RASL12: variants seen among roughly 807,000 people sequenced by gnomAD.
RASL12 encodes the protein RAS like family 12, also known as ras-like protein family member 12.
RASL12 carries 16 observed loss-of-function variants against 22.9 expected under a neutral mutation model. The ratio of observed to expected loss-of-function variants is 0.70; its 90% confidence interval spans 0.47 to 1.06. The LOEUF (loss-of-function observed/expected upper bound fraction) is 1.06. RASL12 is among the 50% of genes least tolerant of loss of function. The pLI is 0.00. For missense variants in RASL12, 306 were observed against 353.1 expected, an observed-to-expected ratio of 0.87 and a Z score of 1.07; for synonymous variants, 159 against 152.2, an observed-to-expected ratio of 1.04 and a Z score of -0.33.
At position 65,058,495 on chromosome 15, in the gene RASL12, G is replaced by A. The variant is rs201776215; in HGVS notation, c.357C>T (p.His119=). The A allele has an allele frequency of 8.1e-6, 13 of 1,610,484 alleles. No individual in the cohort carries two copies. The highest frequency in any genetic ancestry group is 1.1e-5 in the South Asian group (1 of 90,550). The change falls in exon 4 of 5, where the codon CAC becomes CAT. Residue 119 remains histidine, a synonymous_variant. Coordinates refer to ENST00000220062, the MANE Select transcript of RASL12 (RefSeq NM_016563.4). ...SSSYLELLAL[H]AKETQRSIPA... Reference sequence around the variant, plus strand: ...GGATGCTGCGCTGTGTCTCCTTCGCGTGCAAGGCAAGCAGCTCCAGGTAGC... The same window carrying A: ...GGATGCTGCGCTGTGTCTCCTTCGCATGCAAGGCAAGCAGCTCCAGGTAGC...
In RASL12 at chr15:65,055,255, C is replaced by A; in HGVS notation, c.445G>T (p.Gly149Cys). The A allele has an allele frequency of 6.3e-7, 1 of 1,583,740 alleles. No individual in the cohort carries two copies. The highest frequency in any genetic ancestry group is 1.7e-4 in the Middle Eastern group (1 of 5,966). Reference protein sequence around the residue: ...AQYRQVTKAEGVALAGRFGCL... With the variant: ...AQYRQVTKAECVALAGRFGCL... ...CCAAACCTGCCTGCCAAAGCCACAC[C>A]CTCTGCCTTGGTGACTTGCCTGGTG... Residue 149 changes from glycine (G) to cysteine (C), a missense_variant, in exon 5 of 5, where the codon GGT (glycine) becomes TGT (cysteine). Gly to Cys is a radical substitution (Grantham distance 159). Coordinates refer to ENST00000220062, the MANE Select transcript of RASL12 (RefSeq NM_016563.4).
chr15:65,067,593 A>T, intron 1 of RASL12, 140 bp downstream of exon 1: 1 of 1,008,166 alleles, frequency 9.9e-7, no homozygotes, highest in Non-Finnish European at 1.4e-6. Flanking sequence ...AAAGAAAATC[A>T]CGGTGTCTTG....
At chr15:65,066,068 G>A (rs2086874619) in intron 1 of RASL12, among the ~76,000 whole-genome samples, 1 of 146,812 alleles carries the variant, frequency 6.8e-6, no homozygotes, top group Non-Finnish European at 1.5e-5. Context: ...GAGAAGAGTA[G>A]AGAAGAGAGA....
intron 1 of RASL12, among the ~76,000 whole-genome samples, chr15:65,075,458 G>A (rs2086960673): frequency 6.6e-6 from 1 of 152,260 alleles, no homozygotes. Context: ...CCCTGGTGCA[G>A]GATCCACTAG....
intron 1 of RASL12, among the ~76,000 whole-genome samples, chr15:65,076,321 GA>G (rs1235813235): frequency 2.0e-5 from 3 of 152,262 alleles, no homozygotes; most frequent in African/African-American, 7.2e-5. Flanking sequence ...CTTCACTCCT[GA>G]GGCCAGCGAG....
chr15:65,047,795 TGATA>T, the RASL12 span, among the ~76,000 whole-genome samples: 37,557 of 149,774 alleles, frequency 0.25, 5,037 homozygotes, highest in South Asian at 0.34. Flanking sequence ...GATCGATAGA[TGATA>T]GATAGATAGA....
At chr15:65,076,198 C>T (rs1180421839) in intron 1 of RASL12, among the ~76,000 whole-genome samples, 1 of 152,226 alleles carries the variant, frequency 6.6e-6, no homozygotes. Context: ...ATATCCCCTT[C>T]CACACTGTGG....
chr15:65,062,885 C>T (rs1049965898), intron 2 of RASL12, among the ~76,000 whole-genome samples: 4 of 152,194 alleles, frequency 2.6e-5, no homozygotes, highest in Non-Finnish European at 4.4e-5. Flanking sequence ...GCAGAACCTT[C>T]GAGGAGTGGC....
intron 1 of RASL12, among the ~76,000 whole-genome samples, chr15:65,076,099 C>A (rs1016083640): frequency 3.9e-5 from 6 of 152,194 alleles, no homozygotes; most frequent in Admixed American, 1.3e-4. Context: ...TCAAAACAGG[C>A]CACTTGGCTC....
At chr15:65,047,718 A>G in the RASL12 span, among the ~76,000 whole-genome samples, 1 of 152,206 alleles carries the variant, frequency 6.6e-6, no homozygotes, top group Admixed American at 6.5e-5. Context: ...TCTGTTGGCC[A>G]TTCTTGTAAC....
In RASL12 at chr15:65,067,896, C is replaced by T. The variant is rs927884263; in HGVS notation, c.-61G>A. ...GGTGGGCCCCGCGCAGTGCGCCCGC[C>T]CGTCGGGGCCCAGGGGAGCGGGATG... On this transcript the variant is annotated 5_prime_UTR_variant, in exon 1 of 5. Coordinates refer to ENST00000220062, the MANE Select transcript of RASL12 (RefSeq NM_016563.4). 6.6e-6 allele frequency: 9 copies of T among 1,373,284 alleles called. No homozygotes were observed. Among genetic ancestry groups the T allele is most frequent in the African/African-American group, 1.5e-5 (1 of 65,010 alleles). 85.1% of individuals were successfully genotyped at this position (1,373,284 alleles called of 1,614,324 possible).
chr15:65,058,405 C>G (rs2232759), intron 4 of RASL12, 22 bp downstream of exon 4: 635,538 of 1,414,274 alleles, frequency 0.45, 147,022 homozygotes, highest in South Asian at 0.57. Context: ...CTGGAGATAA[C>G]GGCCAAGCAG....
At chr15:65,058,991 T>C (rs2086769664) in intron 3 of RASL12, among the ~76,000 whole-genome samples, 2 of 152,014 alleles carry the variant, frequency 1.3e-5, no homozygotes, top group African/African-American at 2.4e-5. Flanking sequence ...GGTGAGGACA[T>C]GGGGGGAGAC....
chr15:65,050,198 C>A, downstream of RASL12: 1 of 936,438 alleles, frequency 1.1e-6, no homozygotes, highest in Non-Finnish European at 1.6e-6. Flanking sequence ...CCCTCCAGGT[C>A]AGGCGGTACA....
rs1595902914 is a variant in RASL12, at chr15:65,054,827, G to A, written c.*72C>T. On this transcript the variant is annotated 3_prime_UTR_variant, in exon 5 of 5. Transcript: ENST00000220062. ...CTGTCCATCAGACGGAAAGGCTGGT[G>A]GTGAGAAGCCAGTCCCTGTCCTGCT... The A allele has an allele frequency of 6.5e-7, 1 of 1,535,322 alleles. No homozygotes were observed. The highest frequency in any genetic ancestry group is 1.3e-5 in the South Asian group (1 of 79,852).
chr15:65,059,313 C>T (rs767385431), intron 3 of RASL12, 32 bp downstream of exon 3: 3 of 1,587,288 alleles, frequency 1.9e-6, no homozygotes, highest in South Asian at 2.2e-5. Context: ...TACTGACTCA[C>T]AGCAGTGCAT....
At chr15:65,075,063 TGC>T (rs2086955932) in intron 1 of RASL12, among the ~76,000 whole-genome samples, 1 of 152,118 alleles carries the variant, frequency 6.6e-6, no homozygotes, top group Admixed American at 6.5e-5. Context: ...GTGTGGCGCT[TGC>T]GGGCCAGCTG....
chr15:65,053,170 G>A (rs755993629), downstream of RASL12: 8 of 1,613,318 alleles, frequency 5.0e-6, no homozygotes, highest in African/African-American at 9.3e-5. Context: ...GCTAGTGAGG[G>A]TTCAGAGAAG....
intron 2 of RASL12, among the ~76,000 whole-genome samples, chr15:65,064,224 C>T (rs941851550): frequency 6.6e-6 from 1 of 152,198 alleles, no homozygotes; most frequent in African/African-American, 2.4e-5. Flanking sequence ...CATTGAGTGC[C>T]TACTGTGGGT....
Sources: gnomAD v4.1 joint callset for allele counts (sites outside exome capture counted in the v4.1 genomes callset) on GRCh38, gnomAD v4.1.1 for gene constraint, MANE v1.5 for transcripts, NCBI Gene and HGNC (gene_info 2026-07-23, HGNC 2026-07-21) for gene names.